Variants in NEDD9 observed in about 807,000 individuals in gnomAD.
NEDD9 encodes the protein enhancer of filamentation 1.
In NEDD9, 26 loss-of-function variants were observed where a neutral mutation model predicts 76.6. The observed-to-expected ratio is 0.34, with a 90% CI of 0.25 to 0.47. The LOEUF (loss-of-function observed/expected upper bound fraction) is 0.47. Among genes scored for constraint, NEDD9 ranks in the 20% least tolerant of loss-of-function variants. NEDD9 has a pLI of 1.00. For missense variants in NEDD9, 937 were observed against 1,058.5 expected (o/e 0.89, Z 1.59); for synonymous variants, 392 against 414.2 (o/e 0.95, Z 0.65).
intron 1 of NEDD9, among the ~76,000 whole-genome samples, chr6:11,358,511 A>G (rs1762623307): frequency 6.6e-6 from 1 of 152,174 alleles, no homozygotes; most frequent in Admixed American, 6.5e-5. Context: ...GTTAGAGAAT[A>G]AATAAAACGG....
At chr6:11,208,652 A>G (rs1194767474) in intron 2 of NEDD9, among the ~76,000 whole-genome samples, 2 of 152,066 alleles carry the variant, frequency 1.3e-5, no homozygotes, top group Non-Finnish European at 2.9e-5. Flanking sequence ...CCCTGTGCTG[A>G]TGGAGCTTGT....
chr6:11,231,069 CTGAG>C (rs1447910292), intron 1 of NEDD9, among the ~76,000 whole-genome samples: 1 of 152,138 alleles, frequency 6.6e-6, no homozygotes, highest in Non-Finnish European at 1.5e-5. Flanking sequence ...TCACTCCAGG[CTGAG>C]TAATATCTGG....
chr6:11,305,545 C>T (rs1561824686), intron 3 of NEDD9, among the ~76,000 whole-genome samples: 1 of 152,194 alleles, frequency 6.6e-6, no homozygotes, highest in South Asian at 2.1e-4. Context: ...CACTCTACTC[C>T]AGGCCAACTT....
intron 1 of NEDD9, among the ~76,000 whole-genome samples, chr6:11,374,619 T>C (rs1762942815): frequency 6.6e-6 from 1 of 152,208 alleles, no homozygotes; most frequent in Non-Finnish European, 1.5e-5. Flanking sequence ...CATAGTCGCA[T>C]ATGCTATAGA....
chr6:11,256,771 G>A (rs561678816), intron 3 of NEDD9, among the ~76,000 whole-genome samples: 2 of 152,160 alleles, frequency 1.3e-5, no homozygotes, highest in African/African-American at 2.4e-5. Context: ...GTCGAATTCT[G>A]ATATACTTAT....
At chr6:11,378,917 G>A (rs1186237094) in intron 1 of NEDD9, among the ~76,000 whole-genome samples, 1 of 152,306 alleles carries the variant, frequency 6.6e-6, no homozygotes, top group East Asian at 1.9e-4. Flanking sequence ...TCTTACTTAG[G>A]GTGGAACTAC....
rs1758013276 is a variant in NEDD9 at position 11,187,661 on chromosome 6, A to C, written c.1995+557T>G. On this transcript the variant is annotated intron_variant, in intron 6 of 6. Coordinates refer to ENST00000379446, the MANE Select transcript of NEDD9 (RefSeq NM_006403.4). ...AGCTAACCATCGGAAGAGGAAGCCG[A>C]GATGAAAAGCCATCTATAGAAGTTC... is the stretch of plus-strand genomic sequence containing the variant. Among the ~76,000 whole-genome samples, 3 of 152,228 alleles carry C rather than the reference A, an allele frequency of 2.0e-5. No homozygotes were observed. In the South Asian group the frequency reaches 6.2e-4, roughly 32 times the overall value.
chr6:11,324,128 C>T (rs903146681), intron 2 of NEDD9, among the ~76,000 whole-genome samples: 5 of 152,298 alleles, frequency 3.3e-5, no homozygotes, highest in South Asian at 2.1e-4. Context: ...CACTGGTTTC[C>T]GATGCCCCTT....
chr6:11,271,727 A>G (rs1471518327), intron 3 of NEDD9: 1 of 152,218 alleles, frequency 6.6e-6, no homozygotes, highest in Non-Finnish European at 1.5e-5. Flanking sequence ...CATGTGGCTG[A>G]ATCTGCAGCT....
chr6:11,201,097 C>T (rs1758440660), intron 2 of NEDD9: 1 of 1,610,246 alleles, frequency 6.2e-7, no homozygotes, highest in East Asian at 2.2e-5. Context: ...CATTGTGTCA[C>T]TTGTTCAAGG....
At chr6:11,364,544 A>C (rs1448001529) in intron 1 of NEDD9, among the ~76,000 whole-genome samples, 1 of 152,172 alleles carries the variant, frequency 6.6e-6, no homozygotes, top group East Asian at 1.9e-4. Context: ...GCCACACAGC[A>C]GGTACATGGC....
Position 11,247,845 on chromosome 6 carries a change from G to A in NEDD9, c.13-34118C>T, listed in dbSNP as rs192879443. ...ACAGCCAAAAAATGGTAATAAAATA[G>A]AAAAGAAAAGCAAAATTTGGGGTGT... On this transcript the variant is annotated intron_variant, in intron 3 of 3. Coordinates refer to the NEDD9 transcript ENST00000397378. Among the ~76,000 whole-genome samples the A allele has an allele frequency of 2.8e-3, 433 of 152,216 alleles. 3 individuals are homozygous for A. Among genetic ancestry groups the A allele is most frequent in the African/African-American group, 9.8e-3 (407 of 41,546 alleles).
intron 2 of NEDD9, among the ~76,000 whole-genome samples, chr6:11,332,713 T>G (rs1287131143): frequency 6.6e-6 from 1 of 152,196 alleles, no homozygotes; most frequent in Non-Finnish European, 1.5e-5. Flanking sequence ...CTGGAACTGA[T>G]TCTTCTGCTA....
At chr6:11,216,645 G>A (rs967646505) in intron 1 of NEDD9, among the ~76,000 whole-genome samples, 12 of 152,156 alleles carry the variant, frequency 7.9e-5, no homozygotes, top group African/African-American at 1.7e-4. Flanking sequence ...GGATATTTGC[G>A]GTCTTAGGTT....
At chr6:11,322,926 T>C (rs1362877840) in intron 2 of NEDD9, among the ~76,000 whole-genome samples, 2 of 152,270 alleles carry the variant, frequency 1.3e-5, no homozygotes, top group Admixed American at 6.5e-5. Flanking sequence ...ATCCATTTAC[T>C]ACCTGGGTGG....
chr6:11,223,323 A>G (rs1279608747), intron 1 of NEDD9, among the ~76,000 whole-genome samples: 1 of 152,244 alleles, frequency 6.6e-6, no homozygotes, highest in African/African-American at 2.4e-5. Flanking sequence ...CTTTATAAAA[A>G]TATGAGGAAT....
chr6:11,221,437 T>C (rs1423609377), intron 1 of NEDD9, among the ~76,000 whole-genome samples: 26 of 150,596 alleles, frequency 1.7e-4, no homozygotes. Flanking sequence ...AACACCTAGG[T>C]TTTTTATAGG....
At chr6:11,371,494 T>C (rs1762874338) in intron 1 of NEDD9, among the ~76,000 whole-genome samples, 1 of 152,234 alleles carries the variant, frequency 6.6e-6, no homozygotes, top group Admixed American at 6.5e-5. Context: ...TTTTATCTTT[T>C]CCAGAACGTT....
chr6:11,275,584 T>A (rs11969215), intron 3 of NEDD9, among the ~76,000 whole-genome samples: 12,235 of 151,540 alleles, frequency 0.081, 578 homozygotes, highest in Middle Eastern at 0.15. Context: ...ATATACAAAA[T>A]TTTTTTTAAA....
Sources: gnomAD v4.1 joint callset for allele counts (sites outside exome capture counted in the v4.1 genomes callset) on GRCh38, gnomAD v4.1.1 for gene constraint, MANE v1.5 for transcripts, NCBI Gene and HGNC (gene_info 2026-07-23, HGNC 2026-07-21) for gene names.